The following RAPGEF5 variants were observed in gnomAD, a reference collection of about 807,000 sequenced individuals.
RAPGEF5 encodes M-Ras-regulated GEF.
Under a neutral mutation model 125.2 loss-of-function variants are expected in RAPGEF5, and 65 were observed. The ratio of observed to expected loss-of-function variants is 0.52; its 90% CI spans 0.43 to 0.64. The LOEUF (loss-of-function observed/expected upper bound fraction) is 0.64. Among genes scored for constraint, RAPGEF5 ranks in the 30% least tolerant of loss-of-function variants. The probability of loss-of-function intolerance (pLI) is 0.00; values close to 1 mark genes in which losing one functional copy is unlikely to be tolerated. For missense variants in RAPGEF5, 958 were observed against 1,048.1 expected (o/e 0.91, Z 1.19); for synonymous variants, 391 against 385.9 (o/e 1.01, Z -0.16).
At chr7:22,301,351 C>T (rs1047941581) in intron 5 of RAPGEF5, among the ~76,000 whole-genome samples, 1 of 152,074 alleles carries the variant, frequency 6.6e-6, no homozygotes, top group Non-Finnish European at 1.5e-5. Context: ...CGTGGTGGCT[C>T]ACGCCTGTAA....
chr7:22,281,022 C>T (rs1782662073), intron 6 of RAPGEF5, among the ~76,000 whole-genome samples: 1 of 152,162 alleles, frequency 6.6e-6, no homozygotes, highest in Non-Finnish European at 1.5e-5. Context: ...CCTCCTTTGG[C>T]TTAGGATTGG....
chr7:22,142,678 C>T (rs990934433), intron 20 of RAPGEF5, among the ~76,000 whole-genome samples: 2 of 152,148 alleles, frequency 1.3e-5, no homozygotes, highest in African/African-American at 4.8e-5. Context: ...ATTCATTCCA[C>T]GATAAGAACA....
chr7:22,265,823 T>A (rs1782268807), intron 7 of RAPGEF5, among the ~76,000 whole-genome samples: 1 of 152,184 alleles, frequency 6.6e-6, no homozygotes, highest in Non-Finnish European at 1.5e-5. Context: ...ATTTCCCTCC[T>A]GCAATCTTTA....
At chr7:22,216,567 G>A (rs1326677171) in intron 9 of RAPGEF5, among the ~76,000 whole-genome samples, 1 of 152,182 alleles carries the variant, frequency 6.6e-6, no homozygotes, top group African/African-American at 2.4e-5. Context: ...CACAGTCACA[G>A]AATTAAGGCT....
intron 5 of RAPGEF5, among the ~76,000 whole-genome samples, chr7:22,306,340 A>G (rs1253035035): frequency 4.6e-5 from 7 of 152,170 alleles, no homozygotes; most frequent in Non-Finnish European, 1.0e-4. Context: ...ACACCTTTTC[A>G]TAAACCTGTT....
At chr7:22,167,861 T>G (rs1168540898) in intron 11 of RAPGEF5, among the ~76,000 whole-genome samples, 1 of 152,226 alleles carries the variant, frequency 6.6e-6, no homozygotes, top group Non-Finnish European at 1.5e-5. Context: ...GAGTTCAGTT[T>G]GTATACAATA....
chr7:22,332,166 C>T (rs1163408108), intron 1 of RAPGEF5, among the ~76,000 whole-genome samples: 1 of 152,100 alleles, frequency 6.6e-6, no homozygotes, highest in African/African-American at 2.4e-5. Flanking sequence ...TACAAATTTA[C>T]TTGCAAATGA....
chr7:22,231,250 C>T (rs1786048082), intron 7 of RAPGEF5, among the ~76,000 whole-genome samples: 1 of 152,088 alleles, frequency 6.6e-6, no homozygotes, highest in Non-Finnish European at 1.5e-5. Flanking sequence ...TTATTCATTT[C>T]ATATAAGAAC....
intron 6 of RAPGEF5, among the ~76,000 whole-genome samples, chr7:22,267,824 C>G (rs552345828): frequency 5.9e-5 from 9 of 151,382 alleles, no homozygotes; most frequent in African/African-American, 2.2e-4. Flanking sequence ...CTCTTAAACT[C>G]AGAAGTTTGT....
intron 21 of RAPGEF5, 149 bp from the exon 22 acceptor site, chr7:22,137,132 A>C: frequency 1.3e-5 from 8 of 635,666 alleles, no homozygotes; most frequent in Non-Finnish European, 2.2e-5. Flanking sequence ...ATTGCTTCTC[A>C]TTATGCAATT....
chr7:22,189,997 C>A (rs1323010270), intron 11 of RAPGEF5, among the ~76,000 whole-genome samples: 1 of 152,128 alleles, frequency 6.6e-6, no homozygotes, highest in African/African-American at 2.4e-5. Context: ...AGGAAATTCA[C>A]TCGGCTAGGC....
At chr7:22,195,673 G>A (rs1416985379) in intron 9 of RAPGEF5, among the ~76,000 whole-genome samples, 1 of 151,962 alleles carries the variant, frequency 6.6e-6, no homozygotes, top group African/African-American at 2.4e-5. Context: ...TATCTATGTG[G>A]CTGAAGTGAA....
At chr7:22,303,403 A>G (rs1783257811) in intron 5 of RAPGEF5, among the ~76,000 whole-genome samples, 1 of 152,238 alleles carries the variant, frequency 6.6e-6, no homozygotes, top group African/African-American at 2.4e-5. Context: ...AAACTAGCTT[A>G]GAAAACTTCC....
At chr7:22,346,627 G>C (rs1784230079) in intron 1 of RAPGEF5, among the ~76,000 whole-genome samples, 12 of 152,122 alleles carry the variant, frequency 7.9e-5, no homozygotes. Flanking sequence ...AACAGCTGCA[G>C]GTAAATGATT....
chr7:22,348,769 T>C (rs1385515269), intron 1 of RAPGEF5, among the ~76,000 whole-genome samples: 1 of 152,102 alleles, frequency 6.6e-6, no homozygotes. Context: ...AGAGTTTGAT[T>C]AACAGGTACA....
chr7:22,240,412 C>T (rs552457546), intron 7 of RAPGEF5, among the ~76,000 whole-genome samples: 6 of 151,534 alleles, frequency 4.0e-5, no homozygotes, highest in Admixed American at 2.6e-4. Context: ...TGCTCTATCA[C>T]GCAGGCTGGC....
Position 22,184,304 on chromosome 7 carries a change from T to A in RAPGEF5, c.1204+9063A>T, listed in dbSNP as rs142185770. Among the ~76,000 whole-genome samples, 127 of 152,340 alleles carry A rather than the reference T, an allele frequency of 8.3e-4. 1 individual carries two copies. Among genetic ancestry groups the A allele is most frequent in the African/African-American group, 3.0e-3 (125 of 41,578 alleles). On this transcript the variant is annotated intron_variant, in intron 11 of 25. Coordinates refer to ENST00000665637, the MANE Select transcript of RAPGEF5 (RefSeq NM_012294.5). The stretch of plus-strand genomic sequence containing the variant: ...ATTAAAAGTTTAATGAAAGTATTCA[T>A]CTCTCCACATAGTTCACTAGAAATA...
At chr7:22,349,569 T>C (rs1784291874) in intron 1 of RAPGEF5, among the ~76,000 whole-genome samples, 3 of 152,172 alleles carry the variant, frequency 2.0e-5, no homozygotes, top group Admixed American at 2.0e-4. Context: ...TACCCTTGAT[T>C]ATATTAATGT....
chr7:22,294,826 A>C (rs993836110), intron 5 of RAPGEF5, among the ~76,000 whole-genome samples: 5 of 152,354 alleles, frequency 3.3e-5, no homozygotes. Flanking sequence ...AATGTAAGTT[A>C]GTTCATGTCC....
Sources: allele counts gnomAD v4.1 joint callset (sites outside exome capture counted in the v4.1 genomes callset), GRCh38; gene constraint gnomAD v4.1.1; transcripts MANE v1.5; gene names NCBI Gene and HGNC (gene_info 2026-07-23, HGNC 2026-07-21).